Variants in TANGO2 observed in about 807,000 individuals in gnomAD.
TANGO2 encodes the protein transport and golgi organization 2 homolog.
Under a neutral mutation model 39.1 loss-of-function variants are expected in TANGO2, and 26 were observed. The observed-to-expected ratio is 0.67, with a 90% CI of 0.49 to 0.92. The LOEUF (loss-of-function observed/expected upper bound fraction) is 0.92, where lower values mean the gene tolerates loss of function less well. TANGO2 is among the 40% of genes least tolerant of loss of function. TANGO2 has a pLI of 0.00. For missense variants in TANGO2, 326 were observed against 360.1 expected, an observed-to-expected ratio of 0.91 and a Z score of 0.77; for synonymous variants, 131 against 144.5, an observed-to-expected ratio of 0.91 and a Z score of 0.67.
chr22:20,041,933 C>T (rs1198305645), intron 2 of TANGO2, among the ~76,000 whole-genome samples: 1 of 152,152 alleles, frequency 6.6e-6, no homozygotes, highest in Non-Finnish European at 1.5e-5. Context: ...CTGAGCTCTG[C>T]TCCTTGGAGC....
intron 3 of TANGO2, chr22:20,048,406 G>A (rs2045662546): frequency 6.6e-6 from 1 of 152,164 alleles, no homozygotes; most frequent in South Asian, 2.1e-4. Flanking sequence ...CCAGTCTCGG[G>A]TATGTCCTTG....
At chr22:20,058,871 G>A (rs1484553132) in intron 6 of TANGO2, among the ~76,000 whole-genome samples, 3 of 152,146 alleles carry the variant, frequency 2.0e-5, no homozygotes, top group Admixed American at 6.5e-5. Context: ...ACATATTTAT[G>A]AGGGGACCCG....
intron 1 of TANGO2, among the ~76,000 whole-genome samples, chr22:20,029,528 C>T (rs1040986305): frequency 3.3e-5 from 5 of 152,180 alleles, no homozygotes; most frequent in African/African-American, 1.2e-4. Context: ...ACGGGAAGCC[C>T]TTGGCTGCGG....
chr22:20,056,890 T>TG, intron 6 of TANGO2: 1 of 456,648 alleles, frequency 2.2e-6, no homozygotes, highest in Non-Finnish European at 4.4e-6. Context: ...ACGCCCGCTC[T>TG]GGTCCCTCTA....
chr22:20,056,886 G>A (rs1334592861), intron 6 of TANGO2: 3 of 456,642 alleles, frequency 6.6e-6, no homozygotes, highest in East Asian at 6.9e-5. Flanking sequence ...TTAAACGCCC[G>A]CTCTGGTCCC....
intron 2 of TANGO2, among the ~76,000 whole-genome samples, chr22:20,039,645 G>GA (rs887765161): frequency 6.6e-6 from 1 of 151,124 alleles, no homozygotes; most frequent in East Asian, 1.9e-4. Flanking sequence ...AAGAAAAAAC[G>GA]AAAAAAAACC....
rs367634261 is a variant in TANGO2, at chr22:20,036,824, A to T, written c.26A>T (p.Asp9Val). 1.9e-6 allele frequency: 3 copies of T among 1,613,934 alleles called. No individual in the cohort carries two copies. In the African/African-American group the frequency reaches 4.0e-5, roughly 22 times the overall value. Residue 9 changes from aspartate (D) to valine (V), a missense_variant, in exon 2 of 9, where the codon GAT becomes GTT. Coordinates refer to ENST00000327374, the MANE Select transcript of TANGO2 (RefSeq NM_152906.7). MCIIFFKFDPRPVSKNAYR... is the reference protein window; with the variant it reads MCIIFFKFVPRPVSKNAYR... Reference sequence around the variant, plus strand: ...ATGTGCATCATCTTCTTTAAGTTTGATCCTCGCCCTGTTTCCAAAAACGCG... The same window carrying T: ...ATGTGCATCATCTTCTTTAAGTTTGTTCCTCGCCCTGTTTCCAAAAACGCG...
rs377092940 is a variant in TANGO2, at chr22:20,043,456, G to T, written c.145+13G>T. The T allele has an allele frequency of 4.1e-5, 65 of 1,596,834 alleles. No individual in the cohort carries two copies. The Admixed American group carries it at 1.1e-3, about 27-fold the overall frequency. On this transcript the variant is annotated intron_variant, in intron 3 of 8. Transcript: ENST00000327374. ...GAGATCCTCAGTGGTGAGTCTTCCTGCGTGCTCAGCGGTGGCTGCGCCTTG... is the reference window on the plus strand; with the variant it reads ...GAGATCCTCAGTGGTGAGTCTTCCTTCGTGCTCAGCGGTGGCTGCGCCTTG...
At chr22:20,060,498 C>G (rs2048181910) in intron 6 of TANGO2, among the ~76,000 whole-genome samples, 3 of 152,150 alleles carry the variant, frequency 2.0e-5, no homozygotes, top group South Asian at 2.1e-4. Context: ...CTCCTGGGCT[C>G]CAGTGATCCT....
In TANGO2 at chr22:20,025,366, T is replaced by C. The variant is rs527714895; in HGVS notation, c.-40+4120T>C. On this transcript the variant is annotated intron_variant, in intron 1 of 8. Transcript: ENST00000327374. ...CCTCGGCCTCCCAAAGTGTTGGGAT[T>C]ACAGGTGTGAGCCACTGTGCCTGGC... Among the ~76,000 whole-genome samples, 5 of 152,104 alleles carry C rather than the reference T, an allele frequency of 3.3e-5. No individual in the cohort carries two copies. The East Asian group carries it at 9.8e-4, about 30-fold the overall frequency.
intron 5 of TANGO2, chr22:20,054,393 A>G (rs1012292332): frequency 6.5e-6 from 1 of 153,020 alleles, no homozygotes; most frequent in Non-Finnish European, 1.5e-5. Flanking sequence ...CTCAGGAACC[A>G]CTTTTCCCGG....
chr22:20,041,095 A>G (rs1032444955), intron 2 of TANGO2, among the ~76,000 whole-genome samples: 6 of 152,222 alleles, frequency 3.9e-5, no homozygotes, highest in Non-Finnish European at 7.3e-5. Context: ...GGGGGCACAC[A>G]TGTGCACACA....
chr22:20,045,103 C>T (rs1280685401), intron 3 of TANGO2, among the ~76,000 whole-genome samples: 1 of 152,010 alleles, frequency 6.6e-6, no homozygotes, highest in East Asian at 1.9e-4. Flanking sequence ...CAGGTGTGGT[C>T]CTTGGGCCTG....
At chr22:20,048,332 A>G (rs2045645149) in intron 3 of TANGO2, 1 of 152,160 alleles carries the variant, frequency 6.6e-6, no homozygotes, top group Non-Finnish European at 1.5e-5. Flanking sequence ...CATGATTGTA[A>G]GTTTCCTGAG....
intron 5 of TANGO2, chr22:20,053,881 C>A: frequency 2.5e-6 from 1 of 397,448 alleles, no homozygotes; most frequent in Admixed American, 2.9e-5. Flanking sequence ...CCTCCGCAGC[C>A]CTGGCTTGGA....
intron 2 of TANGO2, among the ~76,000 whole-genome samples, chr22:20,037,949 C>T (rs1236125221): frequency 5.9e-5 from 9 of 152,120 alleles, no homozygotes; most frequent in Admixed American, 5.9e-4. Flanking sequence ...ATTAGCTGGG[C>T]ATGGGGGTGG....
intron 3 of TANGO2, among the ~76,000 whole-genome samples, chr22:20,047,370 A>C (rs1352111361): frequency 6.6e-6 from 1 of 151,550 alleles, no homozygotes; most frequent in Non-Finnish European, 1.5e-5. Context: ...AGTAGCTGGG[A>C]TTACAGGCGC....
At chr22:20,035,727 A>G (rs1033849684) in intron 1 of TANGO2, among the ~76,000 whole-genome samples, 1 of 152,110 alleles carries the variant, frequency 6.6e-6, no homozygotes, top group Non-Finnish European at 1.5e-5. Flanking sequence ...TGAGTGGGCC[A>G]TGCTGTTGGA....
chr22:20,025,717 GCTT>G (rs1224314368), intron 1 of TANGO2, among the ~76,000 whole-genome samples: 6 of 152,180 alleles, frequency 3.9e-5, no homozygotes, highest in African/African-American at 1.4e-4. Flanking sequence ...GCACAGGCTG[GCTT>G]CTTTTCCAGG....
Sources: gnomAD v4.1 joint callset for allele counts (sites outside exome capture counted in the v4.1 genomes callset) on GRCh38, gnomAD v4.1.1 for gene constraint, MANE v1.5 for transcripts, NCBI Gene and HGNC (gene_info 2026-07-23, HGNC 2026-07-21) for gene names.